Variants in FRMPD4 observed in about 807,000 individuals in gnomAD.
The protein encoded by FRMPD4 is FERM and PDZ domain containing 4.
FRMPD4 carries 22 observed loss-of-function variants against 94.1 expected under a neutral mutation model. The observed-to-expected ratio is 0.23, with a 90% CI of 0.17 to 0.33. FRMPD4 has a LOEUF of 0.33. Ranked by LOEUF, FRMPD4 falls within the 10% of genes least tolerant of loss-of-function variation. The pLI, the probability that FRMPD4 is intolerant of heterozygous loss-of-function variation, is 1.00. For missense variants in FRMPD4, 1,111 were observed against 1,339.9 expected (o/e 0.83, Z 2.67); for synonymous variants, 631 against 548.6 (o/e 1.15, Z -2.10).
At chrX:12,465,525 C>A (rs1311372083) in intron 1 of FRMPD4, among the ~76,000 whole-genome samples, 2 of 111,580 alleles carry the variant, frequency 1.8e-5, no homozygotes, top group African/African-American at 6.5e-5. Flanking sequence ...ATAAATGTGT[C>A]ATTCCATTGG....
chrX:11,943,083 C>T (rs886615267), intron 3 of FRMPD4, among the ~76,000 whole-genome samples: 2 of 111,865 alleles, frequency 1.8e-5, no homozygotes, highest in African/African-American at 6.5e-5. Context: ...GCAAGCTAGC[C>T]ATACCATAAG....
intron 3 of FRMPD4, among the ~76,000 whole-genome samples, chrX:12,125,967 A>G (rs1313194432): frequency 9.0e-6 from 1 of 111,340 alleles, no homozygotes; most frequent in Non-Finnish European, 1.9e-5. Flanking sequence ...ATTCTAGCCC[A>G]CTCAACAAGA....
At position 12,489,356 on chromosome X, in the gene FRMPD4, T is replaced by TAGCTCACTGTTTAG. The variant is rs1489530372; in HGVS notation, c.42-9323_42-9322insGCTCACTGTTTAGA. Reference sequence around the variant, plus strand: ...ATGTCCCCAACAAACAGTGAGAATATAATCTTCACAATGAATAGCTAAATC... The same window carrying TAGCTCACTGTTTAG: ...ATGTCCCCAACAAACAGTGAGAATATAGCTCACTGTTTAGAATCTTCACAATGAATAGCTAAATC... On this transcript the variant is annotated intron_variant, in intron 1 of 16. Transcript: ENST00000675598. 2.3e-4 allele frequency among the ~76,000 whole-genome samples: 26 copies of TAGCTCACTGTTTAG among 112,225 alleles called. No homozygotes were observed. In the East Asian group the frequency reaches 7.0e-3, roughly 30 times the overall value.
At chrX:12,602,380 G>A (rs1209713344) in intron 2 of FRMPD4, among the ~76,000 whole-genome samples, 1 of 111,276 alleles carries the variant, frequency 9.0e-6, no homozygotes, top group Non-Finnish European at 1.9e-5. Flanking sequence ...AGTCAGGGAT[G>A]TGGGAAGATG....
chrX:12,616,595 G>A (rs1226880127), intron 4 of FRMPD4, among the ~76,000 whole-genome samples: 4 of 112,032 alleles, frequency 3.6e-5, no homozygotes, highest in South Asian at 3.8e-4. Context: ...ACTATGCATC[G>A]GGAACAAGAC....
At chrX:12,173,683 G>A (rs2056257907) in intron 1 of FRMPD4, among the ~76,000 whole-genome samples, 1 of 111,472 alleles carries the variant, frequency 9.0e-6, no homozygotes, top group East Asian at 2.8e-4. Context: ...AATAGGGCAG[G>A]AACATTAAAG....
At chrX:12,244,141 T>A (rs924089006) in intron 1 of FRMPD4, among the ~76,000 whole-genome samples, 48 of 110,745 alleles carry the variant, frequency 4.3e-4, no homozygotes, top group Non-Finnish European at 7.4e-4. Context: ...TTATTTTTTT[T>A]AAATGAAGCT....
intron 3 of FRMPD4, among the ~76,000 whole-genome samples, chrX:11,963,785 A>G (rs1478927869): frequency 8.9e-6 from 1 of 111,836 alleles, no homozygotes; most frequent in African/African-American, 3.3e-5. Context: ...GGGCAAGAGC[A>G]ATTCTGGGGA....
intron 1 of FRMPD4, among the ~76,000 whole-genome samples, chrX:12,270,783 AAGAT>A (rs1231664316): frequency 9.0e-6 from 1 of 111,591 alleles, no homozygotes; most frequent in Non-Finnish European, 1.9e-5. Context: ...AACTGGAGCT[AAGAT>A]AGAATATTCT....
At chrX:12,558,479 C>T (rs186096562) in intron 2 of FRMPD4, among the ~76,000 whole-genome samples, 1 of 112,806 alleles carries the variant, frequency 8.9e-6, no homozygotes, top group African/African-American at 3.2e-5. Flanking sequence ...TGTAAGGTTA[C>T]AATGAAAACC....
intron 1 of FRMPD4, among the ~76,000 whole-genome samples, chrX:12,183,038 T>G (rs1039457509): frequency 5.4e-5 from 6 of 111,319 alleles, no homozygotes; most frequent in Admixed American, 3.8e-4. Flanking sequence ...CTGCTGCTCC[T>G]GACCTATGTT....
intron 1 of FRMPD4, among the ~76,000 whole-genome samples, chrX:12,286,462 A>G (rs1483828625): frequency 1.8e-5 from 2 of 112,024 alleles, no homozygotes; most frequent in Non-Finnish European, 3.8e-5. Flanking sequence ...TGATATGAAT[A>G]AGATCCCTTT....
At chrX:12,100,317 A>G (rs2055244684) in intron 3 of FRMPD4, among the ~76,000 whole-genome samples, 1 of 112,347 alleles carries the variant, frequency 8.9e-6, no homozygotes, top group Non-Finnish European at 1.9e-5. Context: ...GTACCTACAT[A>G]TAAGAAGATT....
At chrX:11,973,560 C>G (rs2054351774) in intron 3 of FRMPD4, among the ~76,000 whole-genome samples, 1 of 112,167 alleles carries the variant, frequency 8.9e-6, no homozygotes, top group Non-Finnish European at 1.9e-5. Context: ...TTGAGAATCA[C>G]TGCTCTCTCA....
chrX:11,915,679 C>T (rs965394833), intron 3 of FRMPD4, among the ~76,000 whole-genome samples: 2 of 112,406 alleles, frequency 1.8e-5, no homozygotes, highest in African/African-American at 6.5e-5. Flanking sequence ...TTGGACAGCA[C>T]AGATATAGAA....
intron 3 of FRMPD4, among the ~76,000 whole-genome samples, chrX:12,020,574 A>G (rs946579598): frequency 1.8e-5 from 2 of 111,782 alleles, no homozygotes; most frequent in Non-Finnish European, 3.8e-5. Context: ...AATGGTGCAC[A>G]TTACTCTACT....
At chrX:11,875,877 T>TG (rs1447892500) in intron 2 of FRMPD4, among the ~76,000 whole-genome samples, 1 of 88,910 alleles carries the variant, frequency 1.1e-5, no homozygotes, top group East Asian at 3.5e-4. Context: ...GGATTTTTTT[T>TG]TTTTTTTTTT....
At chrX:12,479,078 T>C in intron 1 of FRMPD4, among the ~76,000 whole-genome samples, 2 of 110,915 alleles carry the variant, frequency 1.8e-5, no homozygotes, top group South Asian at 7.6e-4. Flanking sequence ...GTTGCAGAAT[T>C]CTCCAAGGAA....
chrX:12,465,730 G>C (rs1460130396), intron 1 of FRMPD4, among the ~76,000 whole-genome samples: 2 of 112,073 alleles, frequency 1.8e-5, no homozygotes, highest in Non-Finnish European at 3.8e-5. Flanking sequence ...GATATATTAA[G>C]CAATAAATGC....
Sources: allele counts gnomAD v4.1 joint callset (sites outside exome capture counted in the v4.1 genomes callset), GRCh38; gene constraint gnomAD v4.1.1; transcripts MANE v1.5; gene names NCBI Gene and HGNC (gene_info 2026-07-23, HGNC 2026-07-21).